Variants in ABLIM3 observed in about 807,000 individuals in gnomAD.
ABLIM3 encodes the protein actin binding LIM protein family member 3, also known as actin-binding LIM protein 3.
In ABLIM3, 61 loss-of-function variants were observed where a neutral mutation model predicts 109.5. That is an observed-to-expected ratio of 0.56 (90% confidence interval 0.45 to 0.69). The LOEUF is 0.69. ABLIM3 is among the 30% of genes least tolerant of loss of function. The probability of loss-of-function intolerance (pLI) is 0.00; values close to 1 mark genes in which losing one functional copy is unlikely to be tolerated. For synonymous variants in ABLIM3, 300 were observed against 324.8 expected (o/e 0.92, Z 0.82); for missense variants, 796 against 889.5 (o/e 0.89, Z 1.34).
Position 149,198,922 on chromosome 5 carries a change from G to A in ABLIM3, c.335+520G>A. 2.6e-6 allele frequency: 1 copy of A among 388,094 alleles called. No homozygotes were observed. The highest frequency in any genetic ancestry group is 5.2e-6 in the Non-Finnish European group (1 of 192,962). 24.0% of individuals were successfully genotyped at this position (388,094 alleles called of 1,614,324 possible). A position where few individuals can be genotyped will look rare whatever the true frequency, so the allele number is the denominator to read the frequency against. On this transcript the variant is annotated intron_variant, in intron 4 of 23. Coordinates refer to ENST00000309868, the MANE Select transcript of ABLIM3 (RefSeq NM_014945.5). The surrounding 1 kb of genome is among the most constrained non-coding windows in gnomAD (Gnocchi z 4.2). ...GGTCAAAGCCATTCCAACCTCATTG[G>A]GTTTTCTCGAAGATCAATGAGATGA...
chr5:149,193,227 A>G (rs1469691867), intron 3 of ABLIM3, among the ~76,000 whole-genome samples: 6 of 152,116 alleles, frequency 3.9e-5, no homozygotes. Context: ...GAGTCCTAAT[A>G]TTTTAGAGAT....
At chr5:149,204,113 A>G (rs1174685736) in intron 5 of ABLIM3, among the ~76,000 whole-genome samples, 1 of 152,196 alleles carries the variant, frequency 6.6e-6, no homozygotes, top group Non-Finnish European at 1.5e-5. Context: ...AAACCCACTC[A>G]TTTCTGCTGA....
chr5:149,240,526 T>C lies in ABLIM3; in HGVS notation c.1205-150T>C, dbSNP rs1561625636. On this transcript the variant is annotated intron_variant, in intron 13 of 23. Coordinates refer to ENST00000309868, the MANE Select transcript of ABLIM3 (RefSeq NM_014945.5). ...GTGGTGCATGAGAGCACATGCTGCT[T>C]CCGCCCCGGAACCTGAGCACGCTGA... 2.8e-5 allele frequency: 18 copies of C among 648,798 alleles called. No homozygotes were observed. The South Asian group carries it at 3.1e-4, about 11-fold the overall frequency. The allele number at this position is 648,798 out of a possible 1,614,324, so 40.2% of individuals were successfully genotyped here. A position where few individuals can be genotyped will look rare whatever the true frequency, so the allele number is the denominator to read the frequency against.
At chr5:149,205,774 G>A (rs942955014) in intron 5 of ABLIM3, among the ~76,000 whole-genome samples, 34 of 152,178 alleles carry the variant, frequency 2.2e-4, no homozygotes, top group African/African-American at 8.2e-4. Flanking sequence ...CTTGTACTAA[G>A]GGATGTTAGA....
intron 20 of ABLIM3, among the ~76,000 whole-genome samples, 187 bp from the exon 21 acceptor site, chr5:149,251,172 G>A (rs1321439603): frequency 6.6e-6 from 1 of 152,174 alleles, no homozygotes; most frequent in Non-Finnish European, 1.5e-5. Flanking sequence ...ATATTGAGTA[G>A]CCACCATGTG....
In ABLIM3 at chr5:149,192,753, G is replaced by C. The variant is rs77075968; in HGVS notation, c.152-5466G>C. Among the ~76,000 whole-genome samples, 987 of 151,794 alleles carry C rather than the reference G, an allele frequency of 6.5e-3. 11 individuals are homozygous for C. The highest frequency in any genetic ancestry group is 0.022 in the African/African-American group (928 of 41,412). Reference sequence around the variant, plus strand: ...GTGTATCTAGCAATGATCATCAATAGCCATTTCTACTCACCAACACCACCC... The same window carrying C: ...GTGTATCTAGCAATGATCATCAATACCCATTTCTACTCACCAACACCACCC... On this transcript the variant is annotated intron_variant, in intron 3 of 23. Coordinates refer to ENST00000309868, the MANE Select transcript of ABLIM3 (RefSeq NM_014945.5).
intron 22 of ABLIM3, 123 bp downstream of exon 22, chr5:149,252,331 G>C: frequency 1.8e-6 from 2 of 1,100,820 alleles, no homozygotes; most frequent in Non-Finnish European, 1.3e-6. Context: ...AACCCCAGGG[G>C]TCCTTTCAAG....
chr5:149,192,327 G>GA (rs138595580), intron 3 of ABLIM3, among the ~76,000 whole-genome samples: 7,568 of 152,056 alleles, frequency 0.05, 572 homozygotes, highest in African/African-American at 0.17. Context: ...AAGGAGAAAG[G>GA]AAAAGAACCC....
chr5:149,167,494 A>T (rs1375898895), intron 2 of ABLIM3, among the ~76,000 whole-genome samples: 2 of 152,168 alleles, frequency 1.3e-5, no homozygotes, highest in Non-Finnish European at 2.9e-5. Flanking sequence ...CTTACCCTAC[A>T]AGACACTTCT....
chr5:149,258,772 A>G lies in ABLIM3; in HGVS notation c.*368A>G. 2.0e-6 allele frequency: 2 copies of G among 998,132 alleles called. No homozygotes were observed. The highest frequency in any genetic ancestry group is 2.4e-6 in the Non-Finnish European group (2 of 838,536). 61.8% of individuals were successfully genotyped at this position (998,132 alleles called of 1,614,324 possible). On this transcript the variant is annotated 3_prime_UTR_variant, in exon 24 of 24. Transcript: ENST00000309868. ...CCCCTTTCTTAAATTTCTAGGGCTG[A>G]TGCTGACCATGTGGTTTCCACACCT...
chr5:149,162,607 G>A (rs1409570996), intron 2 of ABLIM3, among the ~76,000 whole-genome samples: 1 of 152,142 alleles, frequency 6.6e-6, no homozygotes, highest in Non-Finnish European at 1.5e-5. Flanking sequence ...CATTTTGGCC[G>A]ACAGACCCAC....
At chr5:149,142,160 G>C in intron 2 of ABLIM3, 52 bp downstream of exon 2, 1 of 1,581,088 alleles carries the variant, frequency 6.3e-7, no homozygotes, top group Non-Finnish European at 8.7e-7. Context: ...GGGGCGGGAG[G>C]TGAGGGAGCC....
At chr5:149,178,370 CT>C (rs1047968690) in intron 2 of ABLIM3, among the ~76,000 whole-genome samples, 1 of 152,200 alleles carries the variant, frequency 6.6e-6, no homozygotes, top group African/African-American at 2.4e-5. Context: ...CCCTGGGCTG[CT>C]GTGTGCTCAT....
At chr5:149,245,922 G>T (rs1291519141) in intron 16 of ABLIM3, among the ~76,000 whole-genome samples, 1 of 152,180 alleles carries the variant, frequency 6.6e-6, no homozygotes, top group Non-Finnish European at 1.5e-5. Context: ...CAGCACTTTG[G>T]GAGGCCAAGT....
rs1051992091 is a variant in ABLIM3, at chr5:149,249,991, G to T, written c.1729+147G>T. ...TCAAATAGTCTACTCCATTGTATTT[G>T]TCAGATTGTGGGTCTGCATTTGGGT... On this transcript the variant is annotated intron_variant, in intron 19 of 23. Transcript: ENST00000309868. The T allele has an allele frequency of 3.7e-5, 39 of 1,051,538 alleles. No individual in the cohort carries two copies. In the Admixed American group the frequency reaches 3.7e-4, roughly 10 times the overall value. The allele number at this position is 1,051,538 out of a possible 1,614,324, so 65.1% of individuals were successfully genotyped here. A position where few individuals can be genotyped will look rare whatever the true frequency, so the allele number is the denominator to read the frequency against.
At chr5:149,152,015 C>G (rs1430565882) in intron 2 of ABLIM3, among the ~76,000 whole-genome samples, 2 of 152,170 alleles carry the variant, frequency 1.3e-5, no homozygotes, top group African/African-American at 4.8e-5. Context: ...CTTATTTGCC[C>G]TACACCAGGT....
At chr5:149,226,874 C>G (rs1761338138) in intron 8 of ABLIM3, among the ~76,000 whole-genome samples, 1 of 152,166 alleles carries the variant, frequency 6.6e-6, no homozygotes, top group South Asian at 2.1e-4. Context: ...AGTTTGAGAC[C>G]AGCCTGGCCA....
intron 19 of ABLIM3, 138 bp from the exon 20 acceptor site, chr5:149,250,309 G>T: frequency 1.3e-6 from 1 of 768,120 alleles, no homozygotes; most frequent in East Asian, 2.7e-5. Flanking sequence ...GAGAGCATCA[G>T]GAAGAGTTGG....
intron 18 of ABLIM3, among the ~76,000 whole-genome samples, chr5:149,249,194 C>A (rs1314961658): frequency 6.6e-6 from 1 of 152,244 alleles, no homozygotes; most frequent in Non-Finnish European, 1.5e-5. Flanking sequence ...GCTCTTCCCT[C>A]TTCCCCATAC....
Sources: gnomAD v4.1 joint callset for allele counts (sites outside exome capture counted in the v4.1 genomes callset) on GRCh38, gnomAD v4.1.1 for gene constraint, Gnocchi (gnomAD v3.1) non-coding constraint, MANE v1.5 for transcripts, NCBI Gene and HGNC (gene_info 2026-07-23, HGNC 2026-07-21) for gene names.